Variants in ADGB observed in about 807,000 individuals in gnomAD.
ADGB encodes the protein androglobin.
In ADGB, 172 loss-of-function variants were observed where a neutral mutation model predicts 210.5. The observed-to-expected ratio is 0.82, with a 90% CI of 0.72 to 0.93. ADGB has a LOEUF of 0.93. ADGB is among the 40% of genes least tolerant of loss of function. The probability of loss-of-function intolerance (pLI) is 0.00; values close to 1 mark genes in which losing one functional copy is unlikely to be tolerated. For missense variants in ADGB, 2,025 were observed against 1,964.8 expected, an observed-to-expected ratio of 1.03 and a Z score of -0.58; for synonymous variants, 658 against 662.7, an observed-to-expected ratio of 0.99 and a Z score of 0.11.
At chr6:146,709,799 G>A (rs1443223584) in intron 13 of ADGB, among the ~76,000 whole-genome samples, 1 of 152,052 alleles carries the variant, frequency 6.6e-6, no homozygotes, top group Non-Finnish European at 1.5e-5. Context: ...CCTGGGATTG[G>A]GAGTGATGTG....
intron 10 of ADGB, among the ~76,000 whole-genome samples, chr6:146,690,369 A>G (rs1377848588): frequency 6.6e-6 from 1 of 152,222 alleles, no homozygotes; most frequent in Non-Finnish European, 1.5e-5. Context: ...AATGTTGTTA[A>G]TATTTCAATT....
chr6:146,764,378 G>C (rs1777544325), intron 28 of ADGB, among the ~76,000 whole-genome samples: 1 of 151,786 alleles, frequency 6.6e-6, no homozygotes, highest in South Asian at 2.1e-4. Flanking sequence ...TTTATAGTTG[G>C]GTTATAAGAA....
intron 1 of ADGB, among the ~76,000 whole-genome samples, chr6:146,606,493 C>T (rs1487052996): frequency 1.3e-5 from 2 of 152,118 alleles, no homozygotes. Context: ...AGAATGGTAT[C>T]TCCTAGGTTT....
chr6:146,671,078 G>A (rs1776001179), intron 7 of ADGB, among the ~76,000 whole-genome samples: 1 of 152,174 alleles, frequency 6.6e-6, no homozygotes, highest in African/African-American at 2.4e-5. Flanking sequence ...AATCCTAGAG[G>A]AGGAATAGGA....
intron 11 of ADGB, 145 bp downstream of exon 11, chr6:146,691,435 TA>T (rs1562275510): frequency 3.3e-4 from 10 of 30,238 alleles, no homozygotes; most frequent in African/African-American, 1.8e-3. Context: ...TATATATATA[TA>T]TATATAAAAA....
At chr6:146,659,193 T>C (rs1306877967) in intron 5 of ADGB, among the ~76,000 whole-genome samples, 1 of 152,198 alleles carries the variant, frequency 6.6e-6, no homozygotes, top group Non-Finnish European at 1.5e-5. Flanking sequence ...TTTTTTTCTC[T>C]TCCAATTCTA....
At chr6:146,710,021 T>C (rs1776637823) in intron 13 of ADGB, among the ~76,000 whole-genome samples, 1 of 151,954 alleles carries the variant, frequency 6.6e-6, no homozygotes, top group South Asian at 2.1e-4. Context: ...ATTGTGTCTT[T>C]GTATAAACAA....
intron 8 of ADGB, among the ~76,000 whole-genome samples, chr6:146,673,998 T>G (rs565709570): frequency 3.3e-5 from 5 of 151,972 alleles, no homozygotes; most frequent in Admixed American, 6.6e-5. Context: ...GAATGAAGAG[T>G]AAGGACTGGC....
intron 2 of ADGB, among the ~76,000 whole-genome samples, chr6:146,636,291 A>T (rs1377464941): frequency 5.3e-5 from 8 of 152,084 alleles, no homozygotes; most frequent in South Asian, 2.1e-4. Context: ...TGAACTTTAC[A>T]TAAAGCATTC....
chr6:146,636,761 C>A (rs1012696380), intron 2 of ADGB, among the ~76,000 whole-genome samples: 1 of 152,014 alleles, frequency 6.6e-6, no homozygotes, highest in African/African-American at 2.4e-5. Context: ...AGTGTCCAAG[C>A]CTTGTGATCG....
At chr6:146,675,503 C>T (rs1041025632) in intron 8 of ADGB, among the ~76,000 whole-genome samples, 1 of 151,276 alleles carries the variant, frequency 6.6e-6, no homozygotes, top group African/African-American at 2.4e-5. Flanking sequence ...AGGTATGAAA[C>T]ATGTCTATTT....
chr6:146,797,550 CAT>C lies in ADGB; in HGVS notation c.4538-3627_4538-3626del, dbSNP rs1420951039. Among the ~76,000 whole-genome samples, 7 of 152,012 alleles carry C rather than the reference CAT, an allele frequency of 4.6e-5. No homozygotes were observed. In the East Asian group the frequency reaches 1.4e-3, roughly 29 times the overall value. On this transcript the variant is annotated intron_variant, in intron 33 of 35. Coordinates refer to ENST00000397944, the MANE Select transcript of ADGB (RefSeq NM_024694.4). Reference sequence around the variant, plus strand: ...ACACACACACACGTATACATATATACATATATACACACACACTGTGGAATACT... The same window carrying C: ...ACACACACACACGTATACATATATACATATACACACACACTGTGGAATACT...
chr6:146,621,262 G>A (rs935274119), intron 1 of ADGB, among the ~76,000 whole-genome samples: 6 of 152,002 alleles, frequency 3.9e-5, no homozygotes, highest in Non-Finnish European at 7.4e-5. Context: ...TGCCATCTGT[G>A]GCACATAAAA....
chr6:146,709,858 G>A (rs996146565), intron 13 of ADGB, among the ~76,000 whole-genome samples: 2 of 152,080 alleles, frequency 1.3e-5, no homozygotes, highest in African/African-American at 4.8e-5. Flanking sequence ...TCTTATTTCT[G>A]TGCTACATTC....
At chr6:146,613,206 T>C (rs952490716) in intron 1 of ADGB, among the ~76,000 whole-genome samples, 2 of 152,180 alleles carry the variant, frequency 1.3e-5, no homozygotes, top group Admixed American at 6.6e-5. Context: ...ACTTTTAAAG[T>C]TAAAAGGCCA....
intron 33 of ADGB, among the ~76,000 whole-genome samples, chr6:146,790,439 C>A (rs1409298990): frequency 6.6e-6 from 1 of 152,150 alleles, no homozygotes; most frequent in Admixed American, 6.5e-5. Context: ...TGAGATCATG[C>A]CGCATTTGTC....
rs1244772678 is a variant in ADGB, at chr6:146,733,021, G to T, written c.2521-99G>T. The T allele has an allele frequency of 1.1e-5, 11 of 999,492 alleles. No homozygotes were observed. In the East Asian group the frequency reaches 1.4e-4, roughly 13 times the overall value. 61.9% of individuals were successfully genotyped at this position (999,492 alleles called of 1,614,324 possible). On this transcript the variant is annotated intron_variant, in intron 20 of 35. Transcript: ENST00000397944. ...AGGTTGCGTGTACATCTGAGAAATG[G>T]TTTTTATTTTTTATTTTTAGAGTAT... is the stretch of plus-strand genomic sequence containing the variant.
intron 13 of ADGB, among the ~76,000 whole-genome samples, chr6:146,702,165 G>T (rs973200321): frequency 6.6e-6 from 1 of 151,834 alleles, no homozygotes; most frequent in Admixed American, 6.6e-5. Context: ...TCTAGGATAT[G>T]AATCTAGGAG....
chr6:146,696,244 T>G (rs1776401183), intron 12 of ADGB, among the ~76,000 whole-genome samples: 1 of 152,068 alleles, frequency 6.6e-6, no homozygotes, highest in South Asian at 2.1e-4. Context: ...CCCGGCTAAT[T>G]TTTGTATTTT....
Sources: allele counts gnomAD v4.1 joint callset (sites outside exome capture counted in the v4.1 genomes callset), GRCh38; gene constraint gnomAD v4.1.1; transcripts MANE v1.5; gene names NCBI Gene and HGNC (gene_info 2026-07-23, HGNC 2026-07-21).